Variants in NBEAL1 observed in about 807,000 individuals in gnomAD.
NBEAL1 encodes the protein neurobeachin like 1.
A neutral mutation model predicts 351.3 loss-of-function variants in NBEAL1; 273 were observed. The observed-to-expected ratio is 0.78, with a 90% CI of 0.70 to 0.86. The LOEUF (loss-of-function observed/expected upper bound fraction) is 0.86, where lower values mean the gene tolerates loss of function less well. Ranked by LOEUF, NBEAL1 falls within the 40% of genes least tolerant of loss-of-function variation. The pLI is 0.00. For synonymous variants in NBEAL1, 1,050 were observed against 1,086.4 expected (o/e 0.97, Z 0.66); for missense variants, 2,961 against 3,201.3 (o/e 0.92, Z 1.81).
chr2:203,020,323 C>T (rs1172174534), intron 2 of NBEAL1, among the ~76,000 whole-genome samples: 3 of 152,192 alleles, frequency 2.0e-5, no homozygotes, highest in South Asian at 2.1e-4. Flanking sequence ...TTCTAATCAC[C>T]CAACAGTCCT....
chr2:203,178,572 A>G (rs1168039016), intron 42 of NBEAL1, among the ~76,000 whole-genome samples: 2 of 152,252 alleles, frequency 1.3e-5, no homozygotes, highest in Non-Finnish European at 2.9e-5. Flanking sequence ...TTGGCCATGA[A>G]TGAATTCAAG....
At chr2:203,211,643 CAAAAG>C (rs1408481826) in intron 54 of NBEAL1, among the ~76,000 whole-genome samples, 2 of 151,942 alleles carry the variant, frequency 1.3e-5, no homozygotes, top group Admixed American at 1.3e-4. Flanking sequence ...GACCCTGTCT[CAAAAG>C]AAATGTTTTA....
chr2:203,135,068 C>T (rs1241059044), intron 27 of NBEAL1, among the ~76,000 whole-genome samples: 3 of 150,794 alleles, frequency 2.0e-5, no homozygotes, highest in East Asian at 3.9e-4. Context: ...CCCAGCTACT[C>T]GGGAGGCTGA....
rs2060679377 is a variant in NBEAL1, at chr2:203,016,292, ACGG to A, written c.-91_-89del. 2 of 856,750 alleles carry A rather than the reference ACGG, an allele frequency of 2.3e-6. No homozygotes were observed. Among genetic ancestry groups the A allele is most frequent in the South Asian group, 4.3e-5 (2 of 46,828 alleles). The allele number at this position is 856,750 out of a possible 1,614,324, so 53.1% of individuals were successfully genotyped here. A position where few individuals can be genotyped will look rare whatever the true frequency, so the allele number is the denominator to read the frequency against. On this transcript the variant is annotated 5_prime_UTR_variant, in exon 2 of 56. Transcript: ENST00000683969. ...TCTTTACTGCTATGAGCTTTACTGA[ACGG>A]CTGAAAAACTTGGAAAATAAAATGG...
chr2:203,155,113 T>C (rs1401854960), intron 35 of NBEAL1, among the ~76,000 whole-genome samples: 1 of 151,234 alleles, frequency 6.6e-6, no homozygotes, highest in Admixed American at 6.6e-5. Flanking sequence ...CTGGGTGCAG[T>C]CATGTGCGCC....
intron 12 of NBEAL1, among the ~76,000 whole-genome samples, chr2:203,106,504 T>G (rs919163667): frequency 6.6e-5 from 10 of 152,174 alleles, no homozygotes; most frequent in African/African-American, 1.9e-4. Flanking sequence ...CCATTTTAAG[T>G]CCTAAATAAC....
rs576924935 is a variant in NBEAL1 at position 203,052,876 on chromosome 2, G to A, written c.305+2901G>A. Among the ~76,000 whole-genome samples, 6 of 152,038 alleles carry A rather than the reference G, an allele frequency of 3.9e-5. No individual in the cohort carries two copies. In the East Asian group the frequency reaches 5.8e-4, roughly 15 times the overall value. On this transcript the variant is annotated intron_variant, in intron 4 of 55. Coordinates refer to ENST00000683969, the MANE Select transcript of NBEAL1 (RefSeq NM_001378026.1). Reference sequence around the variant, plus strand: ...GCTGGGACTATAGGCATGAACCACCGCACCTGGTCCTCCTCCATGTGTTTG... The same window carrying A: ...GCTGGGACTATAGGCATGAACCACCACACCTGGTCCTCCTCCATGTGTTTG...
chr2:203,220,419 G>A lies in NBEAL1; in HGVS notation c.*3065G>A, dbSNP rs548086980. Among the ~76,000 whole-genome samples the A allele has an allele frequency of 2.6e-3, 394 of 152,140 alleles. 1 individual carries two copies. Among genetic ancestry groups the A allele is most frequent in the Middle Eastern group, 0.017 (5 of 294 alleles). ...GAATCGCTTGAACCCAGGAGGCAGAGGTTGCAGTGAGCCAAAATCGCACCA... is the reference window on the plus strand; with the variant it reads ...GAATCGCTTGAACCCAGGAGGCAGAAGTTGCAGTGAGCCAAAATCGCACCA... On this transcript the variant is annotated 3_prime_UTR_variant, in exon 56 of 56. Transcript: ENST00000683969.
intron 30 of NBEAL1, 101 bp downstream of exon 30, chr2:203,138,416 G>T (rs1175201950): frequency 4.3e-6 from 5 of 1,162,070 alleles, no homozygotes. Context: ...TGCTTAATCA[G>T]ATTCAATAAA....
At chr2:203,116,134 C>G (rs1348903805) in intron 18 of NBEAL1, 64 bp downstream of exon 18, 1 of 1,087,522 alleles carries the variant, frequency 9.2e-7, no homozygotes. Context: ...AGTTCCTTTT[C>G]TATTCCTTTT....
chr2:203,062,358 GA>G lies in NBEAL1; in HGVS notation c.515+4906del. ...GAAAAATCCAGCAACGCCCACTCCT[GA>G]GGGGTGAAGGTTACAGCCACATCCT... On this transcript the variant is annotated intron_variant, in intron 6 of 55. Coordinates refer to ENST00000683969, the MANE Select transcript of NBEAL1 (RefSeq NM_001378026.1). This position sits in a 1 kb window ranked among gnomAD's most constrained non-coding sequence, Gnocchi z 4.2. 1 of 485,276 alleles carries G rather than the reference GA, an allele frequency of 2.1e-6. No homozygotes were observed. Among genetic ancestry groups the G allele is most frequent in the Non-Finnish European group, 4.1e-6 (1 of 242,228 alleles). The allele number at this position is 485,276 out of a possible 1,614,324, so 30.1% of individuals were successfully genotyped here.
In NBEAL1 at chr2:203,222,383, A is replaced by G. The variant is rs901497200; in HGVS notation, c.*5029A>G. ...TGAGGATTATTATGTTATATCCTAA[A>G]AATTTTTCTGCATAGAAATTTGTCC... On this transcript the variant is annotated 3_prime_UTR_variant, in exon 56 of 56. Coordinates refer to ENST00000683969, the MANE Select transcript of NBEAL1 (RefSeq NM_001378026.1). Among the ~76,000 whole-genome samples the G allele has an allele frequency of 3.9e-5, 6 of 152,200 alleles. No homozygotes were observed. Among genetic ancestry groups the G allele is most frequent in the Non-Finnish European group, 8.8e-5 (6 of 68,042 alleles).
chr2:203,140,324 C>T (rs2063334388), intron 31 of NBEAL1, among the ~76,000 whole-genome samples: 1 of 150,440 alleles, frequency 6.6e-6, no homozygotes, highest in Admixed American at 6.6e-5. Flanking sequence ...AAAGAAAATA[C>T]ACAAAAGCAT....
Position 203,188,516 on chromosome 2 carries a change from G to C in NBEAL1, c.6750G>C (p.Leu2250=), listed in dbSNP as rs1232253814. 6 of 1,608,372 alleles carry C rather than the reference G, an allele frequency of 3.7e-6. No homozygotes were observed. The highest frequency in any genetic ancestry group is 1.3e-5 in the African/African-American group (1 of 74,768). ...VSAHLHEWID[L]IFGYKQRGPA... Reference sequence around the variant, plus strand: ...CTCATCTTCATGAATGGATAGATCTGATCTTTGGCTATAAACAGAGGGGAC... The same window carrying C: ...CTCATCTTCATGAATGGATAGATCTCATCTTTGGCTATAAACAGAGGGGAC... Residue 2250 remains leucine, a synonymous_variant, in exon 45 of 56, where the codon CTG becomes CTC. Transcript: ENST00000683969.
chr2:203,180,518 A>G lies in NBEAL1; in HGVS notation c.6595+6A>G, dbSNP rs1409725572. The G allele has an allele frequency of 6.2e-7, 1 of 1,600,180 alleles. No individual in the cohort carries two copies. The highest frequency in any genetic ancestry group is 1.1e-5 in the South Asian group (1 of 88,550). On this transcript the variant is annotated splice_donor_region_variant and intron_variant, in intron 43 of 55. Transcript: ENST00000683969. ...GTTTTTGGAAAATCAAAATCGTAAG[A>G]AATAGAGGATTAAAAATTTGACTAG...
At chr2:203,201,254 A>G (rs1310862548) in intron 49 of NBEAL1, among the ~76,000 whole-genome samples, 1 of 152,172 alleles carries the variant, frequency 6.6e-6, no homozygotes, top group Non-Finnish European at 1.5e-5. Flanking sequence ...AAAATTGCCA[A>G]TTTTATTAAA....
In NBEAL1 at chr2:203,099,696, A is replaced by C; in HGVS notation, c.1253A>C (p.Lys418Thr). Reference protein sequence around the residue: ...TIQALTAVMNKSPAAKEVFKE... With the variant: ...TIQALTAVMNTSPAAKEVFKE... ...CAGGCTTTGACCGCAGTAATGAACA[A>C]ATCTCCAGCTGCTAAGGTGAAACAT... Residue 418 changes from lysine to threonine, a missense_variant, in exon 12 of 56, where the codon AAA (lysine) becomes ACA (threonine). By Grantham distance (78) the Lys-to-Thr change is moderately conservative (BLOSUM62 -1). Transcript: ENST00000683969. 1 of 1,548,218 alleles carries C rather than the reference A, an allele frequency of 6.5e-7. No individual in the cohort carries two copies.
In NBEAL1 at chr2:203,149,040, G is replaced by T. The variant is rs551035830; in HGVS notation, c.5354G>T (p.Arg1785Met). Residue 1785 changes from arginine (R) to methionine (M), a missense_variant, in exon 34 of 56, where the codon AGG (arginine) becomes ATG (methionine). Transcript: ENST00000683969. Reference sequence around the variant, plus strand: ...CGAAAAGCACGCCAAGAGAACCTGAGGTATAATAATATGCTTAAACAACTT... The same window carrying T: ...CGAAAAGCACGCCAAGAGAACCTGATGTATAATAATATGCTTAAACAACTT... ...FNRKARQENLRYNNMLKQLSS... is the reference protein window; with the variant it reads ...FNRKARQENLMYNNMLKQLSS... 6.2e-7 allele frequency: 1 copy of T among 1,611,782 alleles called. No homozygotes were observed. The highest frequency in any genetic ancestry group is 1.1e-5 in the South Asian group (1 of 90,740).
In NBEAL1 at chr2:203,049,967, T is replaced by A; in HGVS notation, c.297T>A (p.Ile99=). 1 of 1,551,594 alleles carries A rather than the reference T, an allele frequency of 6.4e-7. No homozygotes were observed. The highest frequency in any genetic ancestry group is 8.7e-7 in the Non-Finnish European group (1 of 1,146,762). The part of the protein sequence containing the change: ...LSILLVKFFI[I]LCRNLSNVEE... Reference sequence around the variant, plus strand: ...TTTTGCTTGTCAAGTTCTTCATTATTCTTTGCAGGTATCTAGTAGAAAAAA... The same window carrying A: ...TTTTGCTTGTCAAGTTCTTCATTATACTTTGCAGGTATCTAGTAGAAAAAA... The change falls in exon 4 of 56, where the codon ATT becomes ATA. Residue 99 remains isoleucine (I), a synonymous_variant. Coordinates refer to ENST00000683969, the MANE Select transcript of NBEAL1 (RefSeq NM_001378026.1).
Sources: gnomAD v4.1 joint callset for allele counts (sites outside exome capture counted in the v4.1 genomes callset) on GRCh38, gnomAD v4.1.1 for gene constraint, Gnocchi (gnomAD v3.1) non-coding constraint, MANE v1.5 for transcripts, NCBI Gene and HGNC (gene_info 2026-07-23, HGNC 2026-07-21) for gene names.